The following KCNB2 variants were observed in gnomAD, a reference collection of about 807,000 sequenced individuals.
The protein encoded by KCNB2 is delayed rectifier potassium channel protein.
Under a neutral mutation model 61.5 loss-of-function variants are expected in KCNB2, and 15 were observed. That is an observed-to-expected ratio of 0.24 (90% CI 0.16 to 0.38). KCNB2 has a LOEUF of 0.38. Among genes scored for constraint, KCNB2 ranks in the 10% least tolerant of loss-of-function variants. KCNB2 has a pLI of 1.00. For synonymous variants in KCNB2, 457 were observed against 446.0 expected (o/e 1.02, Z -0.31); for missense variants, 828 against 1,125.2 (o/e 0.74, Z 3.78).
intron 2 of KCNB2, among the ~76,000 whole-genome samples, chr8:72,817,225 G>T (rs983129025): frequency 4.3e-4 from 65 of 152,262 alleles, no homozygotes; most frequent in African/African-American, 1.4e-3. Flanking sequence ...AGAGGAAATT[G>T]TGATTCACAG....
chr8:72,581,590 G>C (rs1338291479), intron 2 of KCNB2, among the ~76,000 whole-genome samples: 1 of 152,218 alleles, frequency 6.6e-6, no homozygotes, highest in African/African-American at 2.4e-5. Context: ...TTGGGTATCT[G>C]ATTCTAGCGA....
At chr8:72,557,845 G>A (rs542586172) in intron 1 of KCNB2, among the ~76,000 whole-genome samples, 42 of 152,242 alleles carry the variant, frequency 2.8e-4, no homozygotes, top group African/African-American at 1.0e-3. Context: ...TTTTATATAT[G>A]TACAAGTTGT....
At chr8:72,833,178 G>A (rs548707326) in intron 2 of KCNB2, among the ~76,000 whole-genome samples, 1 of 152,296 alleles carries the variant, frequency 6.6e-6, no homozygotes, top group East Asian at 1.9e-4. Context: ...TTTCTATCTA[G>A]AAAAGGAGAG....
At chr8:72,823,818 T>C (rs1809551997) in intron 2 of KCNB2, among the ~76,000 whole-genome samples, 1 of 152,104 alleles carries the variant, frequency 6.6e-6, no homozygotes, top group Non-Finnish European at 1.5e-5. Flanking sequence ...AAGCTAAGTG[T>C]TGGAGCTGAG....
At chr8:72,756,745 C>T (rs902283732) in intron 2 of KCNB2, among the ~76,000 whole-genome samples, 2 of 152,132 alleles carry the variant, frequency 1.3e-5, no homozygotes, top group African/African-American at 2.4e-5. Context: ...AGGATAAGAA[C>T]AGCAGTAGTG....
intron 2 of KCNB2, chr8:72,881,395 G>C (rs1218211296): frequency 1.4e-4 from 2 of 14,580 alleles, no homozygotes; most frequent in East Asian, 7.1e-4. Flanking sequence ...GCGCTTCCCA[G>C]GTGAGGCAAT....
intron 2 of KCNB2, among the ~76,000 whole-genome samples, chr8:72,773,729 G>A (rs1585885295): frequency 6.6e-6 from 1 of 152,138 alleles, no homozygotes; most frequent in Admixed American, 6.6e-5. Context: ...ATTTTGAGCT[G>A]GTCAGGTTTT....
At chr8:72,694,456 A>G (rs904995727) in intron 2 of KCNB2, among the ~76,000 whole-genome samples, 2 of 152,168 alleles carry the variant, frequency 1.3e-5, no homozygotes, top group East Asian at 1.9e-4. Context: ...CATTCTAAAG[A>G]CCAAAAATAA....
chr8:72,914,606 C>G (rs1806358365), intron 2 of KCNB2, among the ~76,000 whole-genome samples: 2 of 152,024 alleles, frequency 1.3e-5, no homozygotes, highest in South Asian at 4.2e-4. Context: ...CTGAATGACA[C>G]AAAAGTGATT....
chr8:72,926,199 A>G (rs1432109810), intron 2 of KCNB2, among the ~76,000 whole-genome samples: 3 of 152,210 alleles, frequency 2.0e-5, no homozygotes, highest in Non-Finnish European at 4.4e-5. Flanking sequence ...ACGTTTACCT[A>G]TGTAACAAAT....
intron 2 of KCNB2, among the ~76,000 whole-genome samples, chr8:72,716,378 A>G (rs1807440753): frequency 6.6e-6 from 1 of 152,212 alleles, no homozygotes; most frequent in South Asian, 2.1e-4. Context: ...ATTTTAGACC[A>G]ATATCTTTGA....
chr8:72,896,573 A>G (rs1174093171), intron 2 of KCNB2, among the ~76,000 whole-genome samples: 1 of 152,168 alleles, frequency 6.6e-6, no homozygotes, highest in Non-Finnish European at 1.5e-5. Flanking sequence ...GTCTGTGTAA[A>G]TATACAAAGG....
At chr8:72,892,885 A>G (rs528136962) in intron 2 of KCNB2, among the ~76,000 whole-genome samples, 2 of 152,170 alleles carry the variant, frequency 1.3e-5, no homozygotes, top group Non-Finnish European at 2.9e-5. Context: ...AATTATTTCT[A>G]AAAGCAGCAA....
At chr8:72,564,660 C>T (rs551564691) in intron 1 of KCNB2, among the ~76,000 whole-genome samples, 4 of 152,100 alleles carry the variant, frequency 2.6e-5, no homozygotes, top group Non-Finnish European at 5.9e-5. Flanking sequence ...TCATCATCAC[C>T]TGAATATAAA....
intron 2 of KCNB2, among the ~76,000 whole-genome samples, chr8:72,673,383 C>A (rs1410296851): frequency 6.6e-6 from 1 of 152,188 alleles, no homozygotes; most frequent in Non-Finnish European, 1.5e-5. Context: ...GGGCTTCCCC[C>A]TTTGATGAGC....
intron 2 of KCNB2, among the ~76,000 whole-genome samples, chr8:72,693,142 C>T (rs1261999341): frequency 1.3e-5 from 2 of 152,110 alleles, no homozygotes; most frequent in African/African-American, 4.8e-5. Flanking sequence ...AATTAGGTGC[C>T]CTTTGCCTTA....
At chr8:72,609,271 A>G (rs1249704470) in intron 2 of KCNB2, among the ~76,000 whole-genome samples, 1 of 152,210 alleles carries the variant, frequency 6.6e-6, no homozygotes, top group Non-Finnish European at 1.5e-5. Context: ...TGTAGCACAT[A>G]GGACAATATA....
chr8:72,729,264 T>A (rs907922352), intron 2 of KCNB2, among the ~76,000 whole-genome samples: 5 of 152,228 alleles, frequency 3.3e-5, no homozygotes, highest in African/African-American at 1.2e-4. Flanking sequence ...CTGCTAGGAA[T>A]GCGCACCAAT....
chr8:72,776,170 A>G (rs914626811), intron 2 of KCNB2, among the ~76,000 whole-genome samples: 35 of 147,366 alleles, frequency 2.4e-4, no homozygotes, highest in Non-Finnish European at 7.5e-5. Context: ...CAAACACCGC[A>G]TGTTCTCACT....
Sources: gnomAD v4.1 joint callset for allele counts (sites outside exome capture counted in the v4.1 genomes callset) on GRCh38, gnomAD v4.1.1 for gene constraint, MANE v1.5 for transcripts, NCBI Gene and HGNC (gene_info 2026-07-23, HGNC 2026-07-21) for gene names.